SHC4: variants seen among roughly 807,000 people sequenced by gnomAD.
SHC4 encodes SHC adaptor protein 4.
SHC4 carries 41 observed loss-of-function variants against 69.4 expected under a neutral mutation model. The observed-to-expected ratio is 0.59, with a 90% CI of 0.46 to 0.77. The LOEUF is 0.77. Among genes scored for constraint, SHC4 ranks in the 30% least tolerant of loss-of-function variants. The probability of loss-of-function intolerance (pLI) is 0.00; values close to 1 mark genes in which losing one functional copy is unlikely to be tolerated. For missense variants in SHC4, 777 were observed against 783.8 expected, an observed-to-expected ratio of 0.99 and a Z score of 0.10; for synonymous variants, 318 against 299.3, an observed-to-expected ratio of 1.06 and a Z score of -0.64.
chr15:48,864,400 G>C (rs957267226), intron 6 of SHC4, among the ~76,000 whole-genome samples: 5 of 148,142 alleles, frequency 3.4e-5, no homozygotes, highest in African/African-American at 1.2e-4. Flanking sequence ...TATCATTCCA[G>C]GTGGCTTTTC....
chr15:48,944,733 G>A lies in SHC4; in HGVS notation c.585+17698C>T, dbSNP rs1209033940. On this transcript the variant is annotated intron_variant, in intron 1 of 11. Transcript: ENST00000332408. ...AACTGTGCTTTCAGATGGCAGCTGA[G>A]GAGTCAGGGTTCCTCTGCAGCCCCC... Among the ~76,000 whole-genome samples the A allele has an allele frequency of 2.6e-5, 4 of 152,312 alleles. No homozygotes were observed. In the East Asian group the frequency reaches 7.7e-4, roughly 29 times the overall value.
intron 6 of SHC4, among the ~76,000 whole-genome samples, chr15:48,865,172 C>T (rs901720743): frequency 6.6e-6 from 1 of 152,162 alleles, no homozygotes; most frequent in East Asian, 1.9e-4. Flanking sequence ...TGGGATTTTC[C>T]TTCCATAATC....
chr15:48,894,682 A>C lies in SHC4; in HGVS notation c.657-3871T>G, dbSNP rs147350407. Among the ~76,000 whole-genome samples the C allele has an allele frequency of 3.9e-3, 597 of 152,304 alleles. 2 individuals carry two copies. The highest frequency in any genetic ancestry group is 0.014 in the African/African-American group (582 of 41,566). On this transcript the variant is annotated intron_variant, in intron 2 of 11. Transcript: ENST00000332408. ...TCCCAAAAGTTTCATAAAGATAAAA[A>C]ATCTTGAGCACGTTTAGTAAAGCCT...
intron 4 of SHC4, among the ~76,000 whole-genome samples, chr15:48,881,779 A>T (rs1899950810): frequency 6.6e-6 from 1 of 152,146 alleles, no homozygotes; most frequent in African/African-American, 2.4e-5. Flanking sequence ...ACAAGGAAAT[A>T]CCTATAACTT....
rs2140959912 is a variant in SHC4, at chr15:48,825,060, C to T, written c.*911G>A. The T allele has an allele frequency of 6.6e-6, 1 of 152,668 alleles. No individual in the cohort carries two copies. Among genetic ancestry groups the T allele is most frequent in the South Asian group, 2.1e-4 (1 of 4,824 alleles). 9.5% of individuals were successfully genotyped at this position (152,668 alleles called of 1,614,324 possible). A position where few individuals can be genotyped will look rare whatever the true frequency, so the allele number is the denominator to read the frequency against. On this transcript the variant is annotated 3_prime_UTR_variant, in exon 12 of 12. Transcript: ENST00000332408. ...ACTATAATTTCAAATAGATTCTGTA[C>T]TTTTACTAAGAATGAAACCAATTTG...
intron 8 of SHC4, among the ~76,000 whole-genome samples, chr15:48,852,915 A>AAAT (rs1899243184): frequency 2.1e-5 from 3 of 143,010 alleles, no homozygotes; most frequent in African/African-American, 5.1e-5. Flanking sequence ...AAAATATATA[A>AAAT]AAATAAATAA....
chr15:48,940,166 C>T (rs1393978858), intron 1 of SHC4, among the ~76,000 whole-genome samples: 1 of 152,170 alleles, frequency 6.6e-6, no homozygotes, highest in African/African-American at 2.4e-5. Flanking sequence ...CAAGGCAATG[C>T]CCTTGCAGGA....
At chr15:48,943,968 G>T (rs984550875) in intron 1 of SHC4, among the ~76,000 whole-genome samples, 1 of 151,944 alleles carries the variant, frequency 6.6e-6, no homozygotes, top group Non-Finnish European at 1.5e-5. Context: ...TGTTAGTAAG[G>T]TAGAAAGAGG....
chr15:48,950,828 G>A (rs961766999), intron 1 of SHC4, among the ~76,000 whole-genome samples: 2 of 152,124 alleles, frequency 1.3e-5, no homozygotes, highest in African/African-American at 2.4e-5. Context: ...GCGATGGTTG[G>A]CGTTAATATC....
At chr15:48,896,880 A>G (rs549365661) in intron 2 of SHC4, among the ~76,000 whole-genome samples, 1 of 152,252 alleles carries the variant, frequency 6.6e-6, no homozygotes, top group African/African-American at 2.4e-5. Context: ...GGACCAAGAC[A>G]TTAACTGTAA....
In SHC4 at chr15:48,879,201, A is replaced by C. The variant is rs16961794; in HGVS notation, c.840+5047T>G. 1,574 of 169,594 alleles carry C rather than the reference A, an allele frequency of 9.3e-3. 20 individuals are homozygous for C. The highest frequency in any genetic ancestry group is 0.036 in the African/African-American group (1,489 of 41,614). The allele number at this position is 169,594 out of a possible 1,614,324, so 10.5% of individuals were successfully genotyped here. ...AGTTATTTGGACTGAAAGCTTAAGAAAACTTGGAAAATTCTATTTTGTGAT... is the reference window on the plus strand; with the variant it reads ...AGTTATTTGGACTGAAAGCTTAAGACAACTTGGAAAATTCTATTTTGTGAT... On this transcript the variant is annotated intron_variant, in intron 4 of 11. Transcript: ENST00000332408.
intron 8 of SHC4, 21 bp downstream of exon 8, chr15:48,855,932 C>G (rs1385043246): frequency 1.9e-6 from 3 of 1,589,044 alleles, no homozygotes; most frequent in Non-Finnish European, 2.6e-6. Flanking sequence ...CTGGTTCCAA[C>G]AACAATAAAA....
chr15:48,945,205 A>G (rs1210741802), intron 1 of SHC4, among the ~76,000 whole-genome samples: 1 of 152,216 alleles, frequency 6.6e-6, no homozygotes, highest in African/African-American at 2.4e-5. Flanking sequence ...AATCTGATAA[A>G]GTATAAAAAT....
intron 2 of SHC4, among the ~76,000 whole-genome samples, chr15:48,893,989 G>A (rs1486368696): frequency 6.6e-6 from 1 of 152,164 alleles, no homozygotes; most frequent in African/African-American, 2.4e-5. Flanking sequence ...TACAAACTTC[G>A]ACAAGGTGGG....
chr15:48,918,952 C>T (rs975181148), intron 2 of SHC4, among the ~76,000 whole-genome samples: 3 of 152,024 alleles, frequency 2.0e-5, no homozygotes, highest in Non-Finnish European at 4.4e-5. Context: ...GCTGTCACAC[C>T]CAAGTAGCTG....
intron 1 of SHC4, among the ~76,000 whole-genome samples, chr15:48,929,599 G>T (rs1595761244): frequency 6.6e-6 from 1 of 152,160 alleles, no homozygotes; most frequent in African/African-American, 2.4e-5. Flanking sequence ...TATCCTGCTG[G>T]CTGCCACTAC....
At chr15:48,911,819 C>T (rs1186966935) in intron 2 of SHC4, among the ~76,000 whole-genome samples, 3 of 152,130 alleles carry the variant, frequency 2.0e-5, no homozygotes, top group Admixed American at 6.5e-5. Context: ...AGCATTTGTT[C>T]GTCTGAAAAA....
At chr15:48,860,964 C>G (rs1257989065) in intron 6 of SHC4, among the ~76,000 whole-genome samples, 1 of 152,212 alleles carries the variant, frequency 6.6e-6, no homozygotes, top group Non-Finnish European at 1.5e-5. Context: ...ATGAATGAAT[C>G]AATCAGACAC....
At chr15:48,889,750 A>G (rs1001023330) in intron 3 of SHC4, among the ~76,000 whole-genome samples, 1 of 152,206 alleles carries the variant, frequency 6.6e-6, no homozygotes, top group African/African-American at 2.4e-5. Context: ...GGGCTGAGGC[A>G]GGAGAATGGC....
Sources: gnomAD v4.1 joint callset for allele counts (sites outside exome capture counted in the v4.1 genomes callset) on GRCh38, gnomAD v4.1.1 for gene constraint, MANE v1.5 for transcripts, NCBI Gene and HGNC (gene_info 2026-07-23, HGNC 2026-07-21) for gene names.